Variants in OPRD1 observed in about 807,000 individuals in gnomAD.
The protein encoded by OPRD1 is opioid receptor delta 1.
In OPRD1, 19 loss-of-function variants were observed where a neutral mutation model predicts 17.5. The ratio of observed to expected loss-of-function variants is 1.09; its 90% confidence interval spans 0.76 to 1.60. OPRD1 has a LOEUF of 1.60. Ranked by LOEUF, OPRD1 falls within the 40% of genes most tolerant of loss-of-function variation. OPRD1 has a pLI of 0.00. For synonymous variants in OPRD1, 256 were observed against 240.9 expected (o/e 1.06, Z -0.58); for missense variants, 483 against 547.2 (o/e 0.88, Z 1.17).
intron 1 of OPRD1, among the ~76,000 whole-genome samples, chr1:28,832,999 A>C (rs1185447206): frequency 6.6e-6 from 1 of 152,226 alleles, no homozygotes; most frequent in Non-Finnish European, 1.5e-5. Flanking sequence ...TTAAGCTGGC[A>C]GATGGTGAGG....
At position 28,812,316 on chromosome 1, in the gene OPRD1, C is replaced by G; in HGVS notation, c.-68C>G. ...GGCCGCGGCCTCTGCCTTGCCGCTC[C>G]CCTCGCGTCGGATCCCCGCGCCCAG... On this transcript the variant is annotated 5_prime_UTR_variant, in exon 1 of 3. Transcript: ENST00000234961. 1 of 1,128,646 alleles carries G rather than the reference C, an allele frequency of 8.9e-7. No homozygotes were observed. The highest frequency in any genetic ancestry group is 1.1e-6 in the Non-Finnish European group (1 of 893,948). The allele number at this position is 1,128,646 out of a possible 1,614,324, so 69.9% of individuals were successfully genotyped here.
Position 28,863,087 on chromosome 1 carries a change from A to G in OPRD1, c.923A>G (p.Tyr308Cys). Residue 308 changes from tyrosine to cysteine, a missense_variant, in exon 3 of 3, where the codon TAC becomes TGC. Physicochemically the swap from Tyr to Cys is radical, Grantham distance 194. Coordinates refer to ENST00000234961, the MANE Select transcript of OPRD1 (RefSeq NM_000911.4). ...CTGCACCTGTGCATCGCGCTGGGCTACGCCAATAGCAGCCTCAACCCCGTG... is the reference window on the plus strand; with the variant it reads ...CTGCACCTGTGCATCGCGCTGGGCTGCGCCAATAGCAGCCTCAACCCCGTG... ...AALHLCIALG[Y>C]ANSSLNPVLY... 2 of 1,608,984 alleles carry G rather than the reference A, an allele frequency of 1.2e-6. No homozygotes were observed. The highest frequency in any genetic ancestry group is 1.7e-6 in the Non-Finnish European group (2 of 1,178,208).
rs770240637 is a variant in OPRD1 at position 28,863,178 on chromosome 1, C to T, written c.1014C>T (p.Gly338=). Residue 338 remains glycine, a synonymous_variant, in exon 3 of 3, where the codon GGC becomes GGT. Transcript: ENST00000234961. ...CFRQLCRKPC[G]RPDPSSFSRA... ...GCCAGCTCTGCCGCAAGCCCTGCGGCCGCCCAGACCCCAGCAGCTTCAGCC... is the reference window on the plus strand; with the variant it reads ...GCCAGCTCTGCCGCAAGCCCTGCGGTCGCCCAGACCCCAGCAGCTTCAGCC... 3.1e-6 allele frequency: 5 copies of T among 1,598,206 alleles called. No homozygotes were observed. The highest frequency in any genetic ancestry group is 1.1e-5 in the South Asian group (1 of 90,052).
intron 1 of OPRD1, among the ~76,000 whole-genome samples, chr1:28,825,585 C>T (rs1268908376): frequency 5.9e-5 from 9 of 152,188 alleles, no homozygotes; most frequent in Non-Finnish European, 4.4e-5. Context: ...AGGGTTTCAT[C>T]ATGTTGGTCA....
rs1345891856 is a variant in OPRD1, at chr1:28,864,925, G to C, written c.*1642G>C. The stretch of plus-strand genomic sequence containing the variant: ...ACTGCCCATATGGGGACCTGACCTT[G>C]AAGGAACTGGGGGGAGAAGCTTTTG... On this transcript the variant is annotated 3_prime_UTR_variant, in exon 3 of 3. Coordinates refer to ENST00000234961, the MANE Select transcript of OPRD1 (RefSeq NM_000911.4). The C allele has an allele frequency of 1.3e-5, 2 of 152,140 alleles. No individual in the cohort carries two copies. The highest frequency in any genetic ancestry group is 2.9e-5 in the Non-Finnish European group (2 of 68,046). 9.4% of individuals were successfully genotyped at this position (152,140 alleles called of 1,614,324 possible).
chr1:28,831,784 T>C (rs1433170178), intron 1 of OPRD1, among the ~76,000 whole-genome samples: 1 of 152,076 alleles, frequency 6.6e-6, no homozygotes, highest in East Asian at 1.9e-4. Flanking sequence ...GTGATCCTCC[T>C]GCCTTGGCCT....
chr1:28,857,036 A>G (rs1011886107), intron 1 of OPRD1, among the ~76,000 whole-genome samples: 1 of 152,080 alleles, frequency 6.6e-6, no homozygotes, highest in Non-Finnish European at 1.5e-5. Context: ...ACCCCAGCCA[A>G]TCTACTAGGC....
intron 1 of OPRD1, among the ~76,000 whole-genome samples, chr1:28,815,262 C>G (rs944944025): frequency 6.6e-6 from 1 of 152,186 alleles, no homozygotes; most frequent in Non-Finnish European, 1.5e-5. Context: ...TACAGGCACA[C>G]GCCATGCTAA....
chr1:28,849,896 T>C (rs894960479), intron 1 of OPRD1, among the ~76,000 whole-genome samples: 5 of 149,988 alleles, frequency 3.3e-5, no homozygotes, highest in Non-Finnish European at 7.4e-5. Flanking sequence ...TTTTTTTTTT[T>C]TGAGACGGAG....
At chr1:28,852,563 A>G (rs2089014969) in intron 1 of OPRD1, among the ~76,000 whole-genome samples, 1 of 152,132 alleles carries the variant, frequency 6.6e-6, no homozygotes, top group African/African-American at 2.4e-5. Flanking sequence ...CCAGCCACTC[A>G]GGAGTCTGAG....
chr1:28,812,738 G>A (rs1440864080), intron 1 of OPRD1, 128 bp downstream of exon 1: 2 of 842,662 alleles, frequency 2.4e-6, no homozygotes, highest in Non-Finnish European at 3.4e-6. Context: ...GGCACCTGGG[G>A]CCCAGCGAGA....
At chr1:28,844,886 AG>A (rs1432216705) in intron 1 of OPRD1, among the ~76,000 whole-genome samples, 1 of 152,008 alleles carries the variant, frequency 6.6e-6, no homozygotes. Context: ...CTGGGATTAC[AG>A]GTGTGCACTA....
Position 28,863,165 on chromosome 1 carries a change from G to A in OPRD1, c.1001G>A (p.Arg334His). 3 of 1,602,010 alleles carry A rather than the reference G, an allele frequency of 1.9e-6. No individual in the cohort carries two copies. Among genetic ancestry groups the A allele is most frequent in the African/African-American group, 1.3e-5 (1 of 74,872 alleles). Reference protein sequence around the residue: ...NFKRCFRQLCRKPCGRPDPSS... With the variant: ...NFKRCFRQLCHKPCGRPDPSS... ...AAGCGCTGCTTCCGCCAGCTCTGCC[G>A]CAAGCCCTGCGGCCGCCCAGACCCC... Residue 334 changes from arginine (R) to histidine (H), a missense_variant, in exon 3 of 3, where the codon CGC becomes CAC. Arg to His is a conservative substitution (Grantham distance 29, BLOSUM62 0). Coordinates refer to ENST00000234961, the MANE Select transcript of OPRD1 (RefSeq NM_000911.4).
intron 1 of OPRD1, among the ~76,000 whole-genome samples, chr1:28,854,677 G>A (rs954144665): frequency 4.0e-5 from 6 of 150,864 alleles, no homozygotes; most frequent in Non-Finnish European, 8.8e-5. Flanking sequence ...TTTTGAGACA[G>A]AGTCTCACCC....
chr1:28,820,937 C>T (rs1009502523), intron 1 of OPRD1, among the ~76,000 whole-genome samples: 5 of 151,778 alleles, frequency 3.3e-5, no homozygotes, highest in African/African-American at 1.2e-4. Context: ...TTTTTTTCTT[C>T]TACAATAAAA....
In OPRD1 at chr1:28,823,383, G is replaced by GTTTA. The variant is rs143622810; in HGVS notation, c.227+10776_227+10777insATTT. Among the ~76,000 whole-genome samples the GTTTA allele has an allele frequency of 2.9e-3, 412 of 139,688 alleles. 3 individuals carry two copies. The highest frequency in any genetic ancestry group is 0.017 in the East Asian group (87 of 5,012). The allele number at this position is 139,688 out of a possible 152,430, so 91.6% of individuals were successfully genotyped here. Reference sequence around the variant, plus strand: ...GGCTATTCTTTTTTAAATTTTATTTGTTTGTTTATTTATTTATTTATTTAT... The same window carrying GTTTA: ...GGCTATTCTTTTTTAAATTTTATTTGTTTATTTGTTTATTTATTTATTTATTTAT... On this transcript the variant is annotated intron_variant, in intron 1 of 2. Coordinates refer to ENST00000234961, the MANE Select transcript of OPRD1 (RefSeq NM_000911.4).
intron 1 of OPRD1, among the ~76,000 whole-genome samples, chr1:28,845,386 G>A (rs766566971): frequency 6.6e-5 from 10 of 151,714 alleles, no homozygotes; most frequent in Non-Finnish European, 1.3e-4. Context: ...GTGCTTGGGA[G>A]GCTGAGGCGG....
At chr1:28,833,521 T>C (rs1435380253) in intron 1 of OPRD1, among the ~76,000 whole-genome samples, 1 of 152,276 alleles carries the variant, frequency 6.6e-6, no homozygotes, top group East Asian at 1.9e-4. Flanking sequence ...CATAAGGCCT[T>C]TGAACTGATT....
chr1:28,849,245 A>T (rs6671092), intron 1 of OPRD1, among the ~76,000 whole-genome samples: 10,644 of 149,134 alleles, frequency 0.071, 450 homozygotes, highest in African/African-American at 0.11. Flanking sequence ...CTCTATTTTA[A>T]TTTTTTTTTT....
Sources: allele counts gnomAD v4.1 joint callset (sites outside exome capture counted in the v4.1 genomes callset), GRCh38; gene constraint gnomAD v4.1.1; transcripts MANE v1.5; gene names NCBI Gene and HGNC (gene_info 2026-07-23, HGNC 2026-07-21).